The following CPEB3 variants were observed in gnomAD, a reference collection of about 807,000 sequenced individuals.
The protein encoded by CPEB3 is cytoplasmic polyadenylation element-binding protein 3.
In CPEB3, 20 loss-of-function variants were observed where a neutral mutation model predicts 67.2. The ratio of observed to expected loss-of-function variants is 0.30; its 90% CI spans 0.21 to 0.43. The LOEUF (loss-of-function observed/expected upper bound fraction) is 0.43. CPEB3 is among the 20% of genes least tolerant of loss of function. CPEB3 has a pLI of 1.00. For synonymous variants in CPEB3, 376 were observed against 393.1 expected, an observed-to-expected ratio of 0.96 and a Z score of 0.51; for missense variants, 746 against 968.6, an observed-to-expected ratio of 0.77 and a Z score of 3.05.
At chr10:92,256,673 C>T (rs189445934) in intron 1 of CPEB3, among the ~76,000 whole-genome samples, 10 of 152,342 alleles carry the variant, frequency 6.6e-5, no homozygotes, top group African/African-American at 2.4e-4. Context: ...GCATGAGCCA[C>T]TGTGCCCAGC....
intron 4 of CPEB3, among the ~76,000 whole-genome samples, chr10:92,162,127 TTAGAGA>T (rs1349453192): frequency 6.6e-6 from 1 of 152,180 alleles, no homozygotes; most frequent in African/African-American, 2.4e-5. Flanking sequence ...ATTACCAGCC[TTAGAGA>T]TAGAATTCTT....
chr10:92,056,852 G>C (rs1490143436), intron 9 of CPEB3, among the ~76,000 whole-genome samples: 1 of 152,176 alleles, frequency 6.6e-6, no homozygotes, highest in Non-Finnish European at 1.5e-5. Flanking sequence ...AGAAAAAGTG[G>C]GAAGAGCTTC....
chr10:92,280,753 C>CTTT (rs948586177), intron 1 of CPEB3, among the ~76,000 whole-genome samples: 131 of 91,562 alleles, frequency 1.4e-3, no homozygotes, highest in Admixed American at 1.8e-3. Flanking sequence ...AGCATCTATT[C>CTTT]TTTTTTTTTT....
chr10:92,216,763 G>A (rs1343263261), intron 2 of CPEB3: 4 of 1,610,112 alleles, frequency 2.5e-6, no homozygotes, highest in South Asian at 2.2e-5. Context: ...AGTGCCTGGA[G>A]GAGGTGCAGT....
intron 6 of CPEB3, among the ~76,000 whole-genome samples, chr10:92,126,325 C>T (rs981226606): frequency 6.6e-6 from 1 of 152,096 alleles, no homozygotes; most frequent in Non-Finnish European, 1.5e-5. Flanking sequence ...ATAACCACAC[C>T]CCTGATTTGA....
intron 1 of CPEB3, among the ~76,000 whole-genome samples, chr10:92,248,759 C>T (rs1297682714): frequency 2.6e-5 from 4 of 152,162 alleles, no homozygotes; most frequent in Non-Finnish European, 5.9e-5. Flanking sequence ...ACACACACCC[C>T]GCCCTTCCAC....
In CPEB3 at chr10:92,239,835, C is replaced by A; in HGVS notation, c.516G>T (p.Ala172=). Residue 172 remains alanine (A), a synonymous_variant, in exon 2 of 10, where the codon GCG becomes GCT. Transcript: ENST00000265997. This position sits in a 1 kb window ranked among gnomAD's most constrained non-coding sequence, Gnocchi z 6.0. ...HHQQPPPPAP[A]PQPAQPAQPP... ...GCTGCGCTGGCTGTGCCGGCTGCGG[C>A]GCGGGCGCAGGCGGCGGCGGCTGCT... 9.4e-6 allele frequency: 14 copies of A among 1,490,646 alleles called. No homozygotes were observed. The highest frequency in any genetic ancestry group is 1.1e-5 in the Non-Finnish European group (12 of 1,121,098). The allele number at this position is 1,490,646 out of a possible 1,614,324, so 92.3% of individuals were successfully genotyped here.
chr10:92,183,659 A>G (rs1011392498), intron 3 of CPEB3, among the ~76,000 whole-genome samples: 19 of 152,340 alleles, frequency 1.2e-4, no homozygotes, highest in South Asian at 4.1e-4. Context: ...CTAAAAGCCC[A>G]TCAAGACTTC....
chr10:92,175,046 G>T (rs1222473942), intron 4 of CPEB3, among the ~76,000 whole-genome samples: 1 of 151,768 alleles, frequency 6.6e-6, no homozygotes. Context: ...TCAAGCAAAG[G>T]CTTAAGGAGA....
chr10:92,261,275 T>C (rs1244434390), intron 1 of CPEB3, among the ~76,000 whole-genome samples: 4 of 152,160 alleles, frequency 2.6e-5, no homozygotes, highest in Non-Finnish European at 5.9e-5. Flanking sequence ...AAAGACAGTA[T>C]AGACAGGATC....
intron 1 of CPEB3, among the ~76,000 whole-genome samples, chr10:92,287,469 A>G (rs1388475461): frequency 1.3e-5 from 2 of 152,230 alleles, no homozygotes; most frequent in Non-Finnish European, 2.9e-5. Flanking sequence ...ACAATATTGA[A>G]ATTCACACAA....
At position 92,131,612 on chromosome 10, in the gene CPEB3, AG is replaced by A. The variant is rs1282247616; in HGVS notation, c.1453+11416del. The stretch of plus-strand genomic sequence containing the variant: ...TTACTTTATAAGACATCGTTGACTA[AG>A]GAGTAAAGATTGCAGGGAAGCATTT... On this transcript the variant is annotated intron_variant, in intron 6 of 9. Coordinates refer to ENST00000265997, the MANE Select transcript of CPEB3 (RefSeq NM_014912.5). Among the ~76,000 whole-genome samples the A allele has an allele frequency of 6.6e-5, 10 of 152,216 alleles. No individual in the cohort carries two copies. In the East Asian group the frequency reaches 1.9e-3, roughly 29 times the overall value.
chr10:92,142,426 C>A (rs1846480612), intron 6 of CPEB3, among the ~76,000 whole-genome samples: 2 of 152,192 alleles, frequency 1.3e-5, no homozygotes, highest in Non-Finnish European at 2.9e-5. Flanking sequence ...TCCCTAGATT[C>A]TGCAGAAATG....
chr10:92,276,986 T>C (rs770056707), intron 1 of CPEB3, among the ~76,000 whole-genome samples: 15 of 152,242 alleles, frequency 9.9e-5, no homozygotes, highest in Non-Finnish European at 2.1e-4. Flanking sequence ...TATACCTTCT[T>C]TGGAGATATA....
At chr10:92,146,792 T>C (rs962096216) in intron 4 of CPEB3, among the ~76,000 whole-genome samples, 5 of 152,184 alleles carry the variant, frequency 3.3e-5, no homozygotes, top group Non-Finnish European at 7.4e-5. Flanking sequence ...CAACAAACAA[T>C]AGACAGTAAA....
intron 4 of CPEB3, 28 bp from the exon 5 acceptor site, chr10:92,145,113 C>G: frequency 6.2e-7 from 1 of 1,612,116 alleles, no homozygotes; most frequent in Non-Finnish European, 8.5e-7. Flanking sequence ...GAAGATCGAC[C>G]TGAAACAAAT....
chr10:92,127,242 G>A (rs1177360198), intron 6 of CPEB3, among the ~76,000 whole-genome samples: 1 of 152,162 alleles, frequency 6.6e-6, no homozygotes, highest in African/African-American at 2.4e-5. Context: ...GAAGCCAAGA[G>A]TTCAAGACCA....
rs144403009 is a variant in CPEB3, at chr10:92,048,808, G to T, written c.*3404C>A. ...ACACTTTAGTAACAATATTACAAAG[G>T]TTTTAGCTTCAAAAATAACTGAAAA... is the stretch of plus-strand genomic sequence containing the variant. On this transcript the variant is annotated 3_prime_UTR_variant, in exon 10 of 10. Transcript: ENST00000265997. The surrounding 1 kb of genome is among the most constrained non-coding windows in gnomAD (Gnocchi z 4.1). 6.6e-5 allele frequency: 10 copies of T among 152,398 alleles called. No homozygotes were observed. Among genetic ancestry groups the T allele is most frequent in the Non-Finnish European group, 1.0e-4 (7 of 67,954 alleles). 9.4% of individuals were successfully genotyped at this position (152,398 alleles called of 1,614,324 possible). A position where few individuals can be genotyped will look rare whatever the true frequency, so the allele number is the denominator to read the frequency against.
intron 6 of CPEB3, among the ~76,000 whole-genome samples, chr10:92,120,101 A>C (rs1275358038): frequency 7.1e-6 from 1 of 140,512 alleles, no homozygotes; most frequent in African/African-American, 2.7e-5. Flanking sequence ...AAAAATACAA[A>C]AAAAAAAAAA....
Sources: allele counts gnomAD v4.1 joint callset (sites outside exome capture counted in the v4.1 genomes callset), GRCh38; gene constraint gnomAD v4.1.1; non-coding constraint Gnocchi (gnomAD v3.1); transcripts MANE v1.5; gene names NCBI Gene and HGNC (gene_info 2026-07-23, HGNC 2026-07-21).